Variants in USP47 observed in about 807,000 individuals in gnomAD.
USP47 encodes the protein ubiquitin specific peptidase 47, also known as ubiquitin carboxyl-terminal hydrolase 47.
In USP47, 35 loss-of-function variants were observed where a neutral mutation model predicts 165.1. The observed-to-expected ratio is 0.21, with a 90% CI of 0.16 to 0.28. The LOEUF (loss-of-function observed/expected upper bound fraction) is 0.28, where lower values mean the gene tolerates loss of function less well. Ranked by LOEUF, USP47 falls within the 10% of genes least tolerant of loss-of-function variation. The pLI is 1.00. For synonymous variants in USP47, 531 were observed against 544.5 expected (o/e 0.98, Z 0.35); for missense variants, 1,277 against 1,607.4 (o/e 0.79, Z 3.52).
At chr11:11,850,761 A>C (rs1185511410) in intron 1 of USP47, among the ~76,000 whole-genome samples, 3 of 152,328 alleles carry the variant, frequency 2.0e-5, no homozygotes, top group African/African-American at 7.2e-5. Context: ...GTGGCTTATA[A>C]TCCACAGAAA....
intron 24 of USP47, 52 bp downstream of exon 24, chr11:11,950,534 A>ATAGGCTTCTATTAGTTCT: frequency 8.6e-7 from 1 of 1,168,658 alleles, no homozygotes; most frequent in South Asian, 1.3e-5. Flanking sequence ...CTCTAGAACT[A>ATAGGCTTCTATTAGTTCT]ATAGAAGCCT....
intron 1 of USP47, among the ~76,000 whole-genome samples, chr11:11,845,527 A>T (rs1848378844): frequency 6.6e-6 from 1 of 151,854 alleles, no homozygotes; most frequent in African/African-American, 2.4e-5. Context: ...TGTAATCTAC[A>T]TTTTATATAT....
intron 25 of USP47, among the ~76,000 whole-genome samples, chr11:11,954,612 C>G (rs1161045318): frequency 6.6e-6 from 1 of 152,100 alleles, no homozygotes; most frequent in East Asian, 1.9e-4. Context: ...TATCCTATTC[C>G]TCTAGGAACA....
In USP47 at chr11:11,842,051, G is replaced by T; in HGVS notation, c.-135G>T. 1.7e-6 allele frequency: 2 copies of T among 1,142,938 alleles called. No homozygotes were observed. The highest frequency in any genetic ancestry group is 2.5e-6 in the Non-Finnish European group (2 of 807,494). 70.8% of individuals were successfully genotyped at this position (1,142,938 alleles called of 1,614,324 possible). On this transcript the variant is annotated 5_prime_UTR_variant, in exon 1 of 28. Coordinates refer to ENST00000527733, the MANE Select transcript of USP47 (RefSeq NM_001282659.2). ...CTGCGCGCTGGTGTCTGAGGCCCAG[G>T]CTGAGGCCTCCGCTATTGCTGGAGC...
At position 11,903,350 on chromosome 11, in the gene USP47, A is replaced by G; in HGVS notation, c.819+8A>G. The G allele has an allele frequency of 1.2e-6, 2 of 1,609,070 alleles. No individual in the cohort carries two copies. The highest frequency in any genetic ancestry group is 8.5e-7 in the Non-Finnish European group (1 of 1,176,606). On this transcript the variant is annotated splice_region_variant and intron_variant, in intron 7 of 27. Transcript: ENST00000527733. The stretch of plus-strand genomic sequence containing the variant: ...TGGAAGCAAACAGAACAGGTAATTT[A>G]TATCTCTCAAATCAAGGGGACTGTT...
intron 1 of USP47, among the ~76,000 whole-genome samples, chr11:11,877,162 C>T (rs1333088145): frequency 6.7e-6 from 1 of 149,514 alleles, no homozygotes; most frequent in Non-Finnish European, 1.5e-5. Context: ...AAAAAAAAAA[C>T]TATTGCCATA....
intron 1 of USP47, among the ~76,000 whole-genome samples, chr11:11,876,912 A>G (rs1304656993): frequency 3.3e-5 from 5 of 152,224 alleles, no homozygotes; most frequent in Admixed American, 3.3e-4. Context: ...AGAAAAGGAA[A>G]AAAAAAAGAA....
chr11:11,884,477 A>G lies in USP47; in HGVS notation c.254A>G (p.Asp85Gly). Residue 85 changes from aspartate (D) to glycine (G), a missense_variant, in exon 3 of 28, where the codon GAT (aspartate) becomes GGT (glycine). Around this residue, in one of 4 missense-constraint regions of USP47, gnomAD observed 181 missense variants for 194.7 expected, o/e 0.93. Coordinates refer to ENST00000527733, the MANE Select transcript of USP47 (RefSeq NM_001282659.2). ...GTTTTATGTCCATAGGCACCACTGG[A>G]TCATACCAGTGACAAGTCACTTCTC... ...GINTADMAPL[D>G]HTSDKSLLDA... 1 of 1,603,318 alleles carries G rather than the reference A, an allele frequency of 6.2e-7. No individual in the cohort carries two copies. Among genetic ancestry groups the G allele is most frequent in the South Asian group, 1.1e-5 (1 of 88,602 alleles).
chr11:11,915,342 C>T (rs1461209712), intron 8 of USP47, among the ~76,000 whole-genome samples: 1 of 152,012 alleles, frequency 6.6e-6, no homozygotes, highest in Non-Finnish European at 1.5e-5. Context: ...TTGGTGGGAG[C>T]AGGGAGAGGA....
At chr11:11,952,048 T>C (rs1294048129) in intron 24 of USP47, 2 of 152,180 alleles carry the variant, frequency 1.3e-5, no homozygotes, top group Non-Finnish European at 2.9e-5. Flanking sequence ...TGTGATTAAA[T>C]CCAAGAGGTA....
At chr11:11,922,941 ACTTC>A in intron 11 of USP47, 50 bp downstream of exon 11, 1 of 1,550,406 alleles carries the variant, frequency 6.4e-7, no homozygotes, top group Non-Finnish European at 8.8e-7. Flanking sequence ...ATAATCTCTG[ACTTC>A]CTATATAATT....
chr11:11,899,570 G>A (rs1484484946), intron 5 of USP47, among the ~76,000 whole-genome samples: 1 of 152,036 alleles, frequency 6.6e-6, no homozygotes, highest in Non-Finnish European at 1.5e-5. Flanking sequence ...AAGAGGAGGG[G>A]AGGGTCACAG....
chr11:11,936,244 A>C, intron 16 of USP47, 59 bp from the exon 17 acceptor site: 2 of 853,048 alleles, frequency 2.3e-6, no homozygotes, highest in Non-Finnish European at 3.1e-6. Flanking sequence ...TTATATATGT[A>C]TATATATAAA....
At chr11:11,905,366 G>T in intron 7 of USP47, 33 bp from the exon 8 acceptor site, 1 of 1,499,282 alleles carries the variant, frequency 6.7e-7, no homozygotes, top group South Asian at 1.3e-5. Flanking sequence ...TATTTTTAAG[G>T]AACACTTAAA....
intron 8 of USP47, among the ~76,000 whole-genome samples, chr11:11,913,281 C>T (rs941832466): frequency 3.4e-5 from 4 of 119,288 alleles, no homozygotes; most frequent in Non-Finnish European, 5.5e-5. Context: ...AAAAAAACAA[C>T]ACCTGAACTA....
intron 11 of USP47, among the ~76,000 whole-genome samples, chr11:11,923,382 A>G (rs1307505896): frequency 6.6e-6 from 1 of 152,014 alleles, no homozygotes; most frequent in Non-Finnish European, 1.5e-5. Context: ...GAGTAGGGAA[A>G]TGCCAAAGCC....
At chr11:11,846,642 T>G (rs1225242438) in intron 1 of USP47, among the ~76,000 whole-genome samples, 1 of 152,158 alleles carries the variant, frequency 6.6e-6, no homozygotes, top group Non-Finnish European at 1.5e-5. Context: ...CCAGATACTG[T>G]TGGTTGTGCT....
At chr11:11,866,018 G>A (rs1849658643) in intron 1 of USP47, among the ~76,000 whole-genome samples, 1 of 152,070 alleles carries the variant, frequency 6.6e-6, no homozygotes, top group Non-Finnish European at 1.5e-5. Context: ...TAATTTTGAT[G>A]AAGTCCAAGT....
intron 5 of USP47, among the ~76,000 whole-genome samples, chr11:11,900,439 C>T (rs1030291311): frequency 1.6e-4 from 25 of 152,158 alleles, no homozygotes; most frequent in African/African-American, 5.6e-4. Flanking sequence ...GGATTACAGG[C>T]GTGAGCCACC....
Sources: allele counts gnomAD v4.1 joint callset (sites outside exome capture counted in the v4.1 genomes callset), GRCh38; gene constraint gnomAD v4.1.1; regional missense constraint gnomAD v4.1.1; transcripts MANE v1.5; gene names NCBI Gene and HGNC (gene_info 2026-07-23, HGNC 2026-07-21).